The following MAST4 variants were observed in gnomAD, a reference collection of about 807,000 sequenced individuals.
MAST4 encodes microtubule-associated serine/threonine-protein kinase 4.
MAST4 carries 89 observed loss-of-function variants against 162.7 expected under a neutral mutation model. That is an observed-to-expected ratio of 0.55 (90% CI 0.46 to 0.65). The LOEUF is 0.65. Among genes scored for constraint, MAST4 ranks in the 30% least tolerant of loss-of-function variants. The pLI, the probability that MAST4 is intolerant of heterozygous loss-of-function variation, is 0.00. For missense variants in MAST4, 3,153 were observed against 3,374.0 expected (o/e 0.93, Z 1.62); for synonymous variants, 1,479 against 1,361.1 (o/e 1.09, Z -1.91).
intron 4 of MAST4, among the ~76,000 whole-genome samples, chr5:66,971,720 A>G (rs1353717897): frequency 1.3e-5 from 2 of 152,178 alleles, no homozygotes; most frequent in African/African-American, 4.8e-5. Flanking sequence ...CTTGAGGTGA[A>G]TAAAAATTTA....
At chr5:66,752,995 T>A (rs571936832) in intron 1 of MAST4, among the ~76,000 whole-genome samples, 4 of 151,134 alleles carry the variant, frequency 2.6e-5, no homozygotes, top group East Asian at 2.0e-4. Context: ...GGATTAAGAA[T>A]CTCACTCAAA....
At chr5:67,058,153 T>C (rs1759088045) in intron 5 of MAST4, among the ~76,000 whole-genome samples, 1 of 152,100 alleles carries the variant, frequency 6.6e-6, no homozygotes. Flanking sequence ...GAGGATCGCC[T>C]GAGCTGGGGA....
At chr5:66,730,413 C>T (rs1751770013) in intron 1 of MAST4, among the ~76,000 whole-genome samples, 1 of 152,044 alleles carries the variant, frequency 6.6e-6, no homozygotes, top group Admixed American at 6.6e-5. Flanking sequence ...ATGGGATTTA[C>T]TCATTTAAAC....
chr5:67,066,098 G>A (rs1355561933), intron 5 of MAST4, among the ~76,000 whole-genome samples: 2 of 151,376 alleles, frequency 1.3e-5, no homozygotes, highest in Non-Finnish European at 2.9e-5. Flanking sequence ...ATAGTTTTAG[G>A]GGGGAGAGAT....
At chr5:67,052,256 G>A (rs1472862596) in intron 4 of MAST4, among the ~76,000 whole-genome samples, 1 of 152,116 alleles carries the variant, frequency 6.6e-6, no homozygotes, top group Non-Finnish European at 1.5e-5. Context: ...AATCTGTATA[G>A]AGGAGTAGAT....
chr5:66,676,078 CT>C (rs1453082617), intron 1 of MAST4, among the ~76,000 whole-genome samples: 68 of 152,220 alleles, frequency 4.5e-4, no homozygotes, highest in Non-Finnish European at 5.9e-5. Context: ...CTCAAGAATG[CT>C]TTTTTGGGCA....
At chr5:66,724,713 G>T (rs1751411257) in intron 1 of MAST4, among the ~76,000 whole-genome samples, 1 of 152,068 alleles carries the variant, frequency 6.6e-6, no homozygotes, top group Middle Eastern at 3.2e-3. Context: ...GTAAGCAGTT[G>T]TAACACAATC....
intron 3 of MAST4, among the ~76,000 whole-genome samples, chr5:66,891,075 A>T (rs751883123): frequency 6.6e-6 from 1 of 152,166 alleles, no homozygotes; most frequent in African/African-American, 2.4e-5. Flanking sequence ...TTTATTTTAC[A>T]GTTTGTCTCA....
chr5:67,166,637 G>A lies in MAST4; in HGVS notation c.7458G>A (p.Lys2486=), dbSNP rs982085668. 6.2e-7 allele frequency: 1 copy of A among 1,600,336 alleles called. No homozygotes were observed. Among genetic ancestry groups the A allele is most frequent in the Non-Finnish European group, 8.5e-7 (1 of 1,173,694 alleles). The change falls in exon 29 of 29, where the codon AAG becomes AAA. Residue 2486 remains lysine (K), a synonymous_variant. Transcript: ENST00000403625. ...CCAGCAGCGACACCTCTTCTGCCAA[G>A]GCCGCCGGGGGCATGCTGGAGCTTC... The part of the protein sequence containing the change: ...SAASSDTSSA[K]AAGGMLELPA...
chr5:66,898,088 A>G (rs1004228833), intron 3 of MAST4, among the ~76,000 whole-genome samples: 88 of 152,250 alleles, frequency 5.8e-4, no homozygotes, highest in African/African-American at 2.0e-3. Flanking sequence ...AGCTTATTGG[A>G]CAGAGCAGTA....
chr5:66,755,991 G>A (rs549381479), intron 1 of MAST4, among the ~76,000 whole-genome samples: 1 of 152,208 alleles, frequency 6.6e-6, no homozygotes, highest in Admixed American at 6.5e-5. Context: ...TCTGGTGATT[G>A]GCATTTCTAT....
chr5:66,685,529 A>T (rs1465811132), intron 1 of MAST4, among the ~76,000 whole-genome samples: 1 of 152,154 alleles, frequency 6.6e-6, no homozygotes, highest in Non-Finnish European at 1.5e-5. Context: ...AAAAGAAATC[A>T]TTGATAAAAT....
At chr5:66,747,586 G>A (rs1430780417) in intron 1 of MAST4, among the ~76,000 whole-genome samples, 1 of 152,186 alleles carries the variant, frequency 6.6e-6, no homozygotes, top group African/African-American at 2.4e-5. Flanking sequence ...AATTTTTGCT[G>A]AGATTCTATC....
chr5:66,877,198 G>T (rs1055724857), intron 3 of MAST4, among the ~76,000 whole-genome samples: 13 of 152,184 alleles, frequency 8.5e-5, no homozygotes, highest in African/African-American at 2.4e-4. Context: ...GGTAAGCAAA[G>T]AAATATGATA....
intron 2 of MAST4, among the ~76,000 whole-genome samples, chr5:66,774,965 A>G (rs1339967012): frequency 5.3e-5 from 8 of 151,416 alleles, no homozygotes. Flanking sequence ...TAGAGGCATT[A>G]CACATAGACA....
intron 1 of MAST4, among the ~76,000 whole-genome samples, chr5:66,689,585 C>T (rs1409727911): frequency 6.6e-6 from 1 of 152,122 alleles, no homozygotes; most frequent in Non-Finnish European, 1.5e-5. Flanking sequence ...GTTTATTTGA[C>T]CTACCTTGAT....
chr5:67,121,461 A>G (rs1281466134), intron 14 of MAST4, among the ~76,000 whole-genome samples: 1 of 151,140 alleles, frequency 6.6e-6, no homozygotes, highest in Non-Finnish European at 1.5e-5. Context: ...ATATAATCAT[A>G]TATTTATAAT....
chr5:66,918,037 T>G (rs1764234132), intron 4 of MAST4, among the ~76,000 whole-genome samples: 1 of 152,050 alleles, frequency 6.6e-6, no homozygotes. Flanking sequence ...ATTGGAAAAA[T>G]ATTTACTGAG....
intron 1 of MAST4, among the ~76,000 whole-genome samples, chr5:66,718,190 T>C (rs59397810): frequency 0.017 from 2,587 of 151,940 alleles, 69 homozygotes; most frequent in African/African-American, 0.059. Context: ...TTTTTCTTTT[T>C]TTTTTGCTTT....
Sources: allele counts gnomAD v4.1 joint callset (sites outside exome capture counted in the v4.1 genomes callset), GRCh38; gene constraint gnomAD v4.1.1; transcripts MANE v1.5; gene names NCBI Gene and HGNC (gene_info 2026-07-23, HGNC 2026-07-21).